SUGCT: variants seen among roughly 807,000 people sequenced by gnomAD.
SUGCT encodes the protein succinyl-CoA:glutarate CoA-transferase.
A neutral mutation model predicts 55.0 loss-of-function variants in SUGCT; 41 were observed. The ratio of observed to expected loss-of-function variants is 0.74; its 90% CI spans 0.58 to 0.97. The LOEUF (loss-of-function observed/expected upper bound fraction) is 0.97, where lower values mean the gene tolerates loss of function less well. Ranked by LOEUF, SUGCT falls within the 50% of genes least tolerant of loss-of-function variation. The pLI, the probability that SUGCT is intolerant of heterozygous loss-of-function variation, is 0.00. For missense variants in SUGCT, 568 were observed against 547.8 expected (o/e 1.04, Z -0.37); for synonymous variants, 187 against 200.4 (o/e 0.93, Z 0.56).
intron 12 of SUGCT, among the ~76,000 whole-genome samples, chr7:40,527,110 C>T (rs1793840830): frequency 2.0e-5 from 3 of 152,092 alleles, no homozygotes; most frequent in Non-Finnish European, 4.4e-5. Context: ...AAAGTTTAAA[C>T]TACTTGGAAC....
intron 12 of SUGCT, among the ~76,000 whole-genome samples, chr7:40,660,546 C>T (rs566412666): frequency 2.6e-5 from 4 of 152,244 alleles, no homozygotes; most frequent in South Asian, 4.1e-4. Flanking sequence ...CTTGAGCCAC[C>T]GTGCCCAGCC....
chr7:40,251,034 T>C (rs577788747), intron 7 of SUGCT, among the ~76,000 whole-genome samples: 1 of 152,150 alleles, frequency 6.6e-6, no homozygotes, highest in East Asian at 1.9e-4. Context: ...TTTCACCATC[T>C]TGACCAGGCT....
rs1012969248 is a variant in SUGCT, at chr7:40,186,090, T to C, written c.227-2405T>C. 3.4e-4 allele frequency among the ~76,000 whole-genome samples: 50 copies of C among 146,976 alleles called. No homozygotes were observed. In the South Asian group the frequency reaches 8.5e-3, roughly 25 times the overall value. On this transcript the variant is annotated intron_variant, in intron 3 of 13. Transcript: ENST00000335693. ...TTTTCTTTCTTTCTTTCTCTCTTTT[T>C]CTTCCTTCCTTCCTTCCTTCCTTCC...
chr7:40,293,784 T>C (rs927344964), intron 8 of SUGCT, among the ~76,000 whole-genome samples: 5 of 152,182 alleles, frequency 3.3e-5, no homozygotes, highest in African/African-American at 1.2e-4. Context: ...CTCCTAAAAT[T>C]AAATGGCATT....
the SUGCT span, among the ~76,000 whole-genome samples, chr7:40,922,080 C>T: frequency 2.0e-5 from 3 of 152,144 alleles, no homozygotes; most frequent in Non-Finnish European, 4.4e-5. Flanking sequence ...TTTGTCACCC[C>T]CTGGATTGTT....
At chr7:40,677,153 T>G (rs943184607) in intron 12 of SUGCT, among the ~76,000 whole-genome samples, 2 of 152,164 alleles carry the variant, frequency 1.3e-5, no homozygotes, top group Non-Finnish European at 2.9e-5. Flanking sequence ...CACCACTGCA[T>G]AATAAAGGTA....
chr7:40,585,893 C>G (rs565168351), intron 12 of SUGCT, among the ~76,000 whole-genome samples: 113 of 152,198 alleles, frequency 7.4e-4, no homozygotes, highest in African/African-American at 2.7e-3. Context: ...GTTGCCCAGG[C>G]TGGTCTTGAA....
intron 6 of SUGCT, among the ~76,000 whole-genome samples, chr7:40,207,658 A>G (rs1327280801): frequency 6.6e-6 from 1 of 152,130 alleles, no homozygotes; most frequent in Non-Finnish European, 1.5e-5. Context: ...CTCTACCAAA[A>G]ATACAAAAAT....
intron 13 of SUGCT, among the ~76,000 whole-genome samples, chr7:40,797,052 T>C (rs1790584619): frequency 6.6e-6 from 1 of 152,180 alleles, no homozygotes; most frequent in African/African-American, 2.4e-5. Flanking sequence ...AAGGATTTTC[T>C]AGTGCTCATG....
At chr7:40,344,981 T>A (rs1797237975) in intron 9 of SUGCT, among the ~76,000 whole-genome samples, 1 of 152,208 alleles carries the variant, frequency 6.6e-6, no homozygotes, top group Non-Finnish European at 1.5e-5. Context: ...TCTCCATAGG[T>A]ACTTGCTAAA....
At chr7:40,356,385 T>A (rs1276919581) in intron 9 of SUGCT, among the ~76,000 whole-genome samples, 1 of 152,190 alleles carries the variant, frequency 6.6e-6, no homozygotes, top group African/African-American at 2.4e-5. Context: ...TGAGGATAGA[T>A]TTTCTTACTC....
the SUGCT span, among the ~76,000 whole-genome samples, chr7:41,038,462 C>T: frequency 2.6e-5 from 4 of 152,310 alleles, no homozygotes; most frequent in Non-Finnish European, 5.9e-5. Flanking sequence ...TTACGTGGGA[C>T]GTGGCTGCTG....
intron 12 of SUGCT, among the ~76,000 whole-genome samples, chr7:40,696,049 C>G (rs1784921920): frequency 6.6e-6 from 1 of 152,202 alleles, no homozygotes; most frequent in African/African-American, 2.4e-5. Context: ...ACCCATCCTA[C>G]AGTTCTTTTC....
At chr7:40,992,428 T>C in the SUGCT span, among the ~76,000 whole-genome samples, 2 of 152,188 alleles carry the variant, frequency 1.3e-5, no homozygotes, top group African/African-American at 4.8e-5. Flanking sequence ...ACGACCTGTA[T>C]TTTGTGCTGA....
At chr7:40,572,339 AGTTTGT>A (rs1326747360) in intron 12 of SUGCT, among the ~76,000 whole-genome samples, 5 of 152,142 alleles carry the variant, frequency 3.3e-5, no homozygotes, top group Non-Finnish European at 5.9e-5. Flanking sequence ...CAGGGCTTAG[AGTTTGT>A]ATTTGAAAAG....
the SUGCT span, among the ~76,000 whole-genome samples, chr7:40,957,847 A>AG: frequency 1.3e-5 from 2 of 152,014 alleles, no homozygotes; most frequent in Non-Finnish European, 2.9e-5. Flanking sequence ...AGCTCTTGTA[A>AG]GGCAGGCCTG....
chr7:40,439,064 GTATATATATA>G (rs1183426693), intron 9 of SUGCT, among the ~76,000 whole-genome samples: 39 of 27,190 alleles, frequency 1.4e-3, no homozygotes, highest in South Asian at 2.9e-3. Context: ...TATATATGGT[GTATATATATA>G]TATATATATA....
the SUGCT span, among the ~76,000 whole-genome samples, chr7:40,879,902 C>T: frequency 6.6e-6 from 1 of 152,128 alleles, no homozygotes; most frequent in Non-Finnish European, 1.5e-5. Context: ...CATGGCTTAG[C>T]TTGGACATGG....
chr7:40,447,115 C>A (rs550261740), intron 9 of SUGCT, among the ~76,000 whole-genome samples: 18 of 152,296 alleles, frequency 1.2e-4, no homozygotes, highest in African/African-American at 3.6e-4. Flanking sequence ...CCATCTTCCC[C>A]CAGCTTCCAC....
Sources: allele counts gnomAD v4.1 joint callset (sites outside exome capture counted in the v4.1 genomes callset), GRCh38; gene constraint gnomAD v4.1.1; transcripts MANE v1.5; gene names NCBI Gene and HGNC (gene_info 2026-07-23, HGNC 2026-07-21).